The following APLF variants were observed in gnomAD, a reference collection of about 807,000 sequenced individuals.
APLF encodes the protein aprataxin and PNK-like factor.
A neutral mutation model predicts 55.6 loss-of-function variants in APLF; 61 were observed. That is an observed-to-expected ratio of 1.10 (90% CI 0.89 to 1.36). The LOEUF is 1.36. Ranked by LOEUF, APLF falls within the 40% of genes most tolerant of loss-of-function variation. APLF has a pLI of 0.00. For missense variants in APLF, 611 were observed against 602.5 expected (o/e 1.01, Z -0.15); for synonymous variants, 207 against 214.8 (o/e 0.96, Z 0.32).
In APLF at chr2:68,579,475, A is replaced by AT. The variant is rs1296914395; in HGVS notation, c.*1454dup. 4.5e-5 allele frequency: 37 copies of AT among 828,808 alleles called. No homozygotes were observed. Among genetic ancestry groups the AT allele is most frequent in the Non-Finnish European group, 4.9e-5 (34 of 687,294 alleles). The allele number at this position is 828,808 out of a possible 1,614,324, so 51.3% of individuals were successfully genotyped here. On this transcript the variant is annotated 3_prime_UTR_variant, in exon 10 of 10. Transcript: ENST00000303795. ...CCAGAGGAATTGAAAACATTTCCAC[A>AT]TAAAAACTGTACACAATGTCAATAG...
chr2:68,495,419 C>A (rs1676514642), intron 2 of APLF, among the ~76,000 whole-genome samples: 1 of 152,206 alleles, frequency 6.6e-6, no homozygotes, highest in Non-Finnish European at 1.5e-5. Context: ...CTCAAAGCTC[C>A]AAAGTAATCT....
chr2:68,573,299 G>A (rs1490763920), intron 9 of APLF, among the ~76,000 whole-genome samples: 1 of 152,122 alleles, frequency 6.6e-6, no homozygotes, highest in Non-Finnish European at 1.5e-5. Context: ...GAAAATAAAG[G>A]TTCCTGTTGT....
In APLF at chr2:68,513,549, C is replaced by T; in HGVS notation, c.491C>T (p.Ser164Phe). The change falls in exon 5 of 10, where the codon TCT becomes TTT. Residue 164 changes from serine to phenylalanine, a missense_variant and splice_region_variant. Physicochemically the swap from Ser to Phe is radical, Grantham distance 155. Transcript: ENST00000303795. Reference protein sequence around the residue: ...KTQMTPTNSVSFLGENRDCNK... With the variant: ...KTQMTPTNSVFFLGENRDCNK... Reference sequence around the variant, plus strand: ...AGTAATTTATAGGTGTCTTTTTAGTCTTTCCTAGGTGAAAATAGAGACTGC... The same window carrying T: ...AGTAATTTATAGGTGTCTTTTTAGTTTTTCCTAGGTGAAAATAGAGACTGC... 1 of 1,608,810 alleles carries T rather than the reference C, an allele frequency of 6.2e-7. No individual in the cohort carries two copies. Among genetic ancestry groups the T allele is most frequent in the South Asian group, 1.1e-5 (1 of 90,524 alleles).
rs1671698432 is a variant in APLF at position 68,579,084 on chromosome 2, GC to G, written c.*1064del. The G allele has an allele frequency of 1.0e-6, 1 of 979,618 alleles. No homozygotes were observed. 60.7% of individuals were successfully genotyped at this position (979,618 alleles called of 1,614,324 possible). ...ATTTATTGAAATCATAAATCACTAA[GC>G]CAAAAGAATCTTTGTTAAATGCTAT... On this transcript the variant is annotated 3_prime_UTR_variant, in exon 10 of 10. Coordinates refer to ENST00000303795, the MANE Select transcript of APLF (RefSeq NM_173545.3).
intron 1 of APLF, among the ~76,000 whole-genome samples, chr2:68,479,915 A>G (rs111248684): frequency 0.014 from 2,075 of 152,262 alleles, 41 homozygotes; most frequent in African/African-American, 0.046. Context: ...ATGAAGACCT[A>G]TATGATGATC....
At chr2:68,556,877 T>A (rs923387050) in intron 8 of APLF, among the ~76,000 whole-genome samples, 1 of 152,190 alleles carries the variant, frequency 6.6e-6, no homozygotes, top group African/African-American at 2.4e-5. Flanking sequence ...ATCTGCAACA[T>A]GGCCTGTGTA....
At chr2:68,575,020 T>C (rs1173502809) in intron 9 of APLF, among the ~76,000 whole-genome samples, 1 of 152,214 alleles carries the variant, frequency 6.6e-6, no homozygotes, top group Non-Finnish European at 1.5e-5. Flanking sequence ...GCCCTGCTCT[T>C]GCAGAATTGT....
chr2:68,483,774 A>G (rs978038618), intron 1 of APLF, among the ~76,000 whole-genome samples: 9 of 152,206 alleles, frequency 5.9e-5, no homozygotes, highest in Non-Finnish European at 8.8e-5. Context: ...AATTTGTAAT[A>G]TAGTTTATAC....
chr2:68,542,253 C>A (rs113556130), intron 7 of APLF, among the ~76,000 whole-genome samples: 1 of 152,124 alleles, frequency 6.6e-6, no homozygotes, highest in Non-Finnish European at 1.5e-5. Flanking sequence ...ACAAAGATTT[C>A]TTGGATATGA....
At chr2:68,526,268 A>G (rs1453361381) in intron 6 of APLF, 26 bp downstream of exon 6, 2 of 1,589,634 alleles carry the variant, frequency 1.3e-6, no homozygotes, top group African/African-American at 1.4e-5. Flanking sequence ...TCATTATTTG[A>G]TTGTTTTTTT....
At chr2:68,533,109 C>A (rs1670302568) in intron 6 of APLF, among the ~76,000 whole-genome samples, 1 of 152,108 alleles carries the variant, frequency 6.6e-6, no homozygotes, top group African/African-American at 2.4e-5. Flanking sequence ...TACACTCTTT[C>A]ACTCTTCTGC....
Position 68,512,154 on chromosome 2 carries a change from T to C in APLF, c.342-926T>C, listed in dbSNP as rs577179794. ...TTTAAAATACTACTAGAGTGAGATA[T>C]AGAACATTTCCATTTCCCCAAATGT... On this transcript the variant is annotated intron_variant, in intron 3 of 9. Transcript: ENST00000303795. Among the ~76,000 whole-genome samples the C allele has an allele frequency of 2.6e-5, 4 of 151,792 alleles. No homozygotes were observed. The East Asian group carries it at 7.8e-4, about 29-fold the overall frequency.
At position 68,577,910 on chromosome 2, in the gene APLF, A is replaced by G; in HGVS notation, c.1424A>G (p.Asp475Gly). Residue 475 changes from aspartate to glycine, a missense_variant, in exon 10 of 10, where the codon GAC becomes GGC. Transcript: ENST00000303795. ...NDSFLDDEEE[D>G]YEPTDEDSDW... is the part of the protein sequence containing the mutation. Reference sequence around the variant, plus strand: ...AGCTTTCTAGATGATGAGGAAGAAGACTATGAGCCAACAGATGAAGATTCT... The same window carrying G: ...AGCTTTCTAGATGATGAGGAAGAAGGCTATGAGCCAACAGATGAAGATTCT... 2.5e-6 allele frequency: 4 copies of G among 1,613,730 alleles called. No individual in the cohort carries two copies. The East Asian group carries it at 8.9e-5, about 36-fold the overall frequency.
chr2:68,569,146 A>G (rs1273772195), intron 9 of APLF, among the ~76,000 whole-genome samples: 1 of 152,120 alleles, frequency 6.6e-6, no homozygotes, highest in African/African-American at 2.4e-5. Context: ...ACACATTCAC[A>G]TATTCCTTTG....
chr2:68,540,150 A>G (rs1670507394), intron 7 of APLF, among the ~76,000 whole-genome samples: 1 of 151,944 alleles, frequency 6.6e-6, no homozygotes, highest in Non-Finnish European at 1.5e-5. Flanking sequence ...TCCTAATGCT[A>G]TCCCTCCCCT....
At chr2:68,467,857 C>G in intron 1 of APLF, 30 bp downstream of exon 1, 1 of 1,229,814 alleles carries the variant, frequency 8.1e-7, no homozygotes, top group Non-Finnish European at 1.0e-6. Flanking sequence ...TAGCGGACCC[C>G]GAGAGCCGTG....
At chr2:68,528,651 A>ACAGGGAGCAGCCCGGAACTGGGG (rs1670153267) in intron 6 of APLF, 2 of 1,521,282 alleles carry the variant, frequency 1.3e-6, no homozygotes, top group African/African-American at 2.7e-5. Context: ...TTCTCTGGCC[A>ACAGGGAGCAGCCCGGAACTGGGG]CAGGGAGCAG....
At chr2:68,503,987 A>G (rs1676799827) in intron 3 of APLF, among the ~76,000 whole-genome samples, 1 of 152,058 alleles carries the variant, frequency 6.6e-6, no homozygotes, top group African/African-American at 2.4e-5. Context: ...AATTATCAGT[A>G]TCAACAGTAG....
At chr2:68,552,871 A>G (rs907270285) in intron 8 of APLF, among the ~76,000 whole-genome samples, 1 of 152,152 alleles carries the variant, frequency 6.6e-6, no homozygotes, top group African/African-American at 2.4e-5. Context: ...TTCTTCACCT[A>G]CTGAACTGCT....
Sources: gnomAD v4.1 joint callset for allele counts (sites outside exome capture counted in the v4.1 genomes callset) on GRCh38, gnomAD v4.1.1 for gene constraint, MANE v1.5 for transcripts, NCBI Gene and HGNC (gene_info 2026-07-23, HGNC 2026-07-21) for gene names.